CFTR: variants seen among roughly 807,000 people sequenced by gnomAD.
CFTR encodes CF transmembrane conductance regulator, also known as cystic fibrosis transmembrane conductance regulator.
A neutral mutation model predicts 171.6 loss-of-function variants in CFTR; 181 were observed. That is an observed-to-expected ratio of 1.05 (90% CI 0.93 to 1.19). The LOEUF is 1.19. Ranked by LOEUF, CFTR falls within the 50% of genes most tolerant of loss-of-function variation. The pLI is 0.00. For missense variants in CFTR, 1,968 were observed against 1,734.7 expected (o/e 1.13, Z -2.39); for synonymous variants, 583 against 608.0 (o/e 0.96, Z 0.60).
intron 21 of CFTR, among the ~76,000 whole-genome samples, chr7:117,624,660 A>G (rs574102779): frequency 2.6e-5 from 4 of 152,252 alleles, no homozygotes; most frequent in African/African-American, 9.6e-5. Context: ...AGGACCTGGT[A>G]TCTAAACCCT....
intron 22 of CFTR, among the ~76,000 whole-genome samples, chr7:117,639,808 ATAAT>A (rs1792882622): frequency 6.6e-6 from 1 of 152,184 alleles, no homozygotes; most frequent in Non-Finnish European, 1.5e-5. Flanking sequence ...TGTTTCATTA[ATAAT>A]TAATAGAGAT....
chr7:117,485,441 C>G (rs961605736), intron 1 of CFTR, among the ~76,000 whole-genome samples: 1 of 152,126 alleles, frequency 6.6e-6, no homozygotes, highest in Non-Finnish European at 1.5e-5. Flanking sequence ...GATTAATTTA[C>G]AAATATGTCA....
chr7:117,589,929 T>C (rs1357691066), intron 12 of CFTR, among the ~76,000 whole-genome samples: 1 of 152,066 alleles, frequency 6.6e-6, no homozygotes, highest in Non-Finnish European at 1.5e-5. Context: ...AGGAACTGTA[T>C]AATTTTTGCC....
chr7:117,606,709 A>G lies in CFTR; in HGVS notation c.2944A>G (p.Ile982Val), dbSNP rs1448831486. Residue 982 changes from isoleucine (I) to valine (V), a missense_variant, in exon 18 of 27, where the codon ATT (isoleucine) becomes GTT (valine). By Grantham distance (29) the Ile-to-Val change is conservative. Transcript: ENST00000003084. ...TAATAGATTCTCCAAAGATATAGCAATTTTGGATGACCTTCTGCCTCTTAC... is the reference window on the plus strand; with the variant it reads ...TAATAGATTCTCCAAAGATATAGCAGTTTTGGATGACCTTCTGCCTCTTAC... The part of the protein sequence containing the change: ...ILNRFSKDIA[I>V]LDDLLPLTIF... The G allele has an allele frequency of 6.3e-7, 1 of 1,595,136 alleles. No homozygotes were observed. The highest frequency in any genetic ancestry group is 1.1e-5 in the South Asian group (1 of 90,640).
In CFTR at chr7:117,482,767, T is replaced by C. The variant is rs554838571; in HGVS notation, c.53+2620T>C. 7.9e-5 allele frequency among the ~76,000 whole-genome samples: 12 copies of C among 152,366 alleles called. No homozygotes were observed. The South Asian group carries it at 8.3e-4, about 11-fold the overall frequency. ...ACTTTTAAGGTAGTTATTCAGTTTG[T>C]TCCTCTCTGTCTCTTCTCTCATGCC... On this transcript the variant is annotated intron_variant, in intron 1 of 26. Transcript: ENST00000003084.
intron 5 of CFTR, 126 bp downstream of exon 5, chr7:117,534,491 A>G: frequency 4.4e-6 from 3 of 677,492 alleles, no homozygotes; most frequent in South Asian, 1.6e-5. Flanking sequence ...TAGCTTCCCT[A>G]TTCTGGAAAC....
At chr7:117,596,187 T>A (rs1267111803) in intron 15 of CFTR, among the ~76,000 whole-genome samples, 1 of 151,052 alleles carries the variant, frequency 6.6e-6, no homozygotes, top group African/African-American at 2.4e-5. Context: ...GGGTGCCTTG[T>A]GGGCCAGCGC....
At chr7:117,497,611 T>A (rs1798259835) in intron 1 of CFTR, among the ~76,000 whole-genome samples, 1 of 152,166 alleles carries the variant, frequency 6.6e-6, no homozygotes, top group South Asian at 2.1e-4. Flanking sequence ...TTAGTTCAGT[T>A]TTTTTCAATA....
At chr7:117,541,878 T>G (rs916453157) in intron 8 of CFTR, 138 bp from the exon 9 acceptor site, 4 of 405,830 alleles carry the variant, frequency 9.9e-6, no homozygotes, top group African/African-American at 8.3e-5. Flanking sequence ...AATAAAATTA[T>G]TTTATTAAGA....
At chr7:117,594,390 G>C (rs1408806928) in intron 14 of CFTR, among the ~76,000 whole-genome samples, 1 of 152,178 alleles carries the variant, frequency 6.6e-6, no homozygotes, top group Non-Finnish European at 1.5e-5. Flanking sequence ...AAGATTTCTA[G>C]AGGAATATGC....
chr7:117,556,263 C>T (rs897478161), intron 10 of CFTR, among the ~76,000 whole-genome samples: 1 of 151,868 alleles, frequency 6.6e-6, no homozygotes, highest in Admixed American at 6.6e-5. Context: ...CGGGGTTTCA[C>T]CATGTTGGCC....
intron 1 of CFTR, among the ~76,000 whole-genome samples, chr7:117,495,237 A>G (rs1241697151): frequency 4.6e-5 from 7 of 152,162 alleles, no homozygotes; most frequent in Admixed American, 4.6e-4. Context: ...TTCCAGCTAC[A>G]GTTTTGTGGC....
chr7:117,539,448 C>T (rs1243537028), intron 7 of CFTR, among the ~76,000 whole-genome samples: 2 of 151,208 alleles, frequency 1.3e-5, no homozygotes, highest in African/African-American at 2.4e-5. Flanking sequence ...AAACGCAAAT[C>T]CTGGAAACCT....
intron 1 of CFTR, among the ~76,000 whole-genome samples, chr7:117,502,816 C>A (rs573591060): frequency 6.6e-6 from 1 of 152,118 alleles, no homozygotes; most frequent in Admixed American, 6.5e-5. Flanking sequence ...TGTTAAAATG[C>A]GGATATTGCA....
At chr7:117,581,131 A>T (rs1791843871) in intron 11 of CFTR, among the ~76,000 whole-genome samples, 1 of 152,166 alleles carries the variant, frequency 6.6e-6, no homozygotes, top group Admixed American at 6.6e-5. Context: ...CGTGCTTGGA[A>T]GGTGAAAGAA....
intron 22 of CFTR, among the ~76,000 whole-genome samples, chr7:117,630,035 C>T (rs1273402141): frequency 6.6e-6 from 1 of 152,036 alleles, no homozygotes; most frequent in Non-Finnish European, 1.5e-5. Flanking sequence ...AGTTTCTGTC[C>T]CAGGACATGA....
intron 11 of CFTR, among the ~76,000 whole-genome samples, chr7:117,574,559 T>TTAAAG (rs1791744993): frequency 6.6e-6 from 1 of 152,152 alleles, no homozygotes; most frequent in Non-Finnish European, 1.5e-5. Context: ...AAAGGTAATC[T>TTAAAG]GTATTTCTAG....
At chr7:117,660,842 A>T (rs1793267308) in intron 24 of CFTR, among the ~76,000 whole-genome samples, 1 of 151,772 alleles carries the variant, frequency 6.6e-6, no homozygotes, top group Admixed American at 6.6e-5. Flanking sequence ...TTGAACAGTA[A>T]TTTTCCACTT....
At chr7:117,574,780 T>C (rs1192576787) in intron 11 of CFTR, among the ~76,000 whole-genome samples, 1 of 152,118 alleles carries the variant, frequency 6.6e-6, no homozygotes, top group Non-Finnish European at 1.5e-5. Context: ...CATATATACA[T>C]ATAGTTATCT....
Sources: gnomAD v4.1 joint callset for allele counts (sites outside exome capture counted in the v4.1 genomes callset) on GRCh38, gnomAD v4.1.1 for gene constraint, MANE v1.5 for transcripts, NCBI Gene and HGNC (gene_info 2026-07-23, HGNC 2026-07-21) for gene names.